The following QTMAN variants were observed in gnomAD, a reference collection of about 807,000 sequenced individuals.
The protein encoded by QTMAN is tRNA-queuosine alpha-mannosyltransferase.
chr2:144,143,997 T>C, the QTMAN span, among the ~76,000 whole-genome samples: 3 of 151,982 alleles, frequency 2.0e-5, no homozygotes, highest in African/African-American at 7.2e-5. Context: ...TTATTTTTCC[T>C]CTGGACAACT....
the QTMAN span, among the ~76,000 whole-genome samples, chr2:144,311,875 T>C: frequency 6.6e-6 from 1 of 152,368 alleles, no homozygotes; most frequent in South Asian, 2.1e-4. Context: ...CACAGCCATC[T>C]TTGCCTTTCA....
At chr2:144,098,440 T>C in the QTMAN span, among the ~76,000 whole-genome samples, 9 of 152,090 alleles carry the variant, frequency 5.9e-5, no homozygotes, top group Non-Finnish European at 1.0e-4. Flanking sequence ...CAAGGCCGGG[T>C]GCAGTGGCTC....
At chr2:144,080,009 CA>C in the QTMAN span, among the ~76,000 whole-genome samples, 1 of 152,176 alleles carries the variant, frequency 6.6e-6, no homozygotes, top group South Asian at 2.1e-4. Context: ...TAAAATTTTC[CA>C]TACATCCTTT....
At chr2:143,941,679 A>ATC in the QTMAN span, 1 of 150,424 alleles carries the variant, frequency 6.6e-6, no homozygotes, top group East Asian at 1.9e-4. Flanking sequence ...TCTCTCTCAA[A>ATC]AAAAAAAAAA....
the QTMAN span, among the ~76,000 whole-genome samples, chr2:144,106,368 A>G: frequency 3.3e-5 from 5 of 152,186 alleles, no homozygotes; most frequent in Non-Finnish European, 5.9e-5. Context: ...CCCATCTCAC[A>G]TGCAGAGACA....
chr2:144,258,705 T>C, the QTMAN span, among the ~76,000 whole-genome samples: 3 of 152,158 alleles, frequency 2.0e-5, no homozygotes, highest in East Asian at 1.9e-4. Flanking sequence ...TATATAGATA[T>C]AGACATAACC....
At chr2:144,208,823 A>T in the QTMAN span, 8 of 1,457,384 alleles carry the variant, frequency 5.5e-6, no homozygotes, top group Non-Finnish European at 7.4e-6. Context: ...CAACCAAAAA[A>T]TGTATATTTT....
At chr2:144,023,388 C>T in the QTMAN span, among the ~76,000 whole-genome samples, 1 of 152,124 alleles carries the variant, frequency 6.6e-6, no homozygotes, top group African/African-American at 2.4e-5. Context: ...GAGGTATTTA[C>T]AGAGTGCCCA....
the QTMAN span, among the ~76,000 whole-genome samples, chr2:144,133,396 TATAA>T: frequency 2.2e-4 from 10 of 45,184 alleles, no homozygotes; most frequent in South Asian, 3.1e-3. Context: ...ATATATATTA[TATAA>T]ATATAATATA....
chr2:144,107,418 G>T, the QTMAN span, among the ~76,000 whole-genome samples: 2 of 151,880 alleles, frequency 1.3e-5, no homozygotes, highest in African/African-American at 2.4e-5. Context: ...AATGATAAAG[G>T]GGATATCACC....
At chr2:144,007,313 T>C in the QTMAN span, 1 of 1,613,074 alleles carries the variant, frequency 6.2e-7, no homozygotes, top group East Asian at 2.2e-5. Context: ...ACGAGGTGGA[T>C]TTTTTCAAGT....
At chr2:144,282,547 T>C in the QTMAN span, among the ~76,000 whole-genome samples, 1 of 152,010 alleles carries the variant, frequency 6.6e-6, no homozygotes, top group Non-Finnish European at 1.5e-5. Flanking sequence ...GAAAGGAGAA[T>C]GGAATTAGGC....
chr2:144,068,883 T>C, the QTMAN span, among the ~76,000 whole-genome samples: 1 of 152,290 alleles, frequency 6.6e-6, no homozygotes, highest in African/African-American at 2.4e-5. Context: ...CAACAATCAC[T>C]TTCTGATGTG....
chr2:144,110,483 AT>A, the QTMAN span, among the ~76,000 whole-genome samples: 1 of 152,202 alleles, frequency 6.6e-6, no homozygotes, highest in African/African-American at 2.4e-5. Context: ...TGGCACATGT[AT>A]ACATATGTAA....
chr2:144,061,093 G>C, the QTMAN span, among the ~76,000 whole-genome samples: 1 of 151,912 alleles, frequency 6.6e-6, no homozygotes, highest in African/African-American at 2.4e-5. Context: ...AATATTTGTA[G>C]TCTATGGCTC....
chr2:144,065,762 C>CTT, the QTMAN span, among the ~76,000 whole-genome samples: 25 of 132,496 alleles, frequency 1.9e-4, no homozygotes, highest in African/African-American at 2.5e-4. Flanking sequence ...AAGAAAATAA[C>CTT]TTTTTTTTTT....
the QTMAN span, among the ~76,000 whole-genome samples, chr2:144,112,986 A>G: frequency 6.6e-6 from 1 of 152,126 alleles, no homozygotes; most frequent in Admixed American, 6.6e-5. Flanking sequence ...GGAGGCCTGT[A>G]AAAAAACCCT....
chr2:144,105,066 C>T, the QTMAN span, among the ~76,000 whole-genome samples: 21 of 152,178 alleles, frequency 1.4e-4, no homozygotes, highest in African/African-American at 5.1e-4. Flanking sequence ...AGAAGGAAAA[C>T]TAACAAACAG....
the QTMAN span, among the ~76,000 whole-genome samples, chr2:144,036,361 GTTC>G: frequency 1.3e-5 from 2 of 152,122 alleles, no homozygotes; most frequent in African/African-American, 4.8e-5. Context: ...GTTTTCAATA[GTTC>G]TTCTTTATTA....
Sources: allele counts gnomAD v4.1 joint callset (sites outside exome capture counted in the v4.1 genomes callset), GRCh38; gene constraint gnomAD v4.1.1; transcripts MANE v1.5; gene names NCBI Gene and HGNC (gene_info 2026-07-23, HGNC 2026-07-21).